The following MYH14 variants were observed in gnomAD, a reference collection of about 807,000 sequenced individuals.
MYH14 encodes the protein myosin heavy chain 14.
MYH14 carries 123 observed loss-of-function variants against 255.5 expected under a neutral mutation model. That is an observed-to-expected ratio of 0.48 (90% CI 0.42 to 0.56). The LOEUF (loss-of-function observed/expected upper bound fraction) is 0.56. Among genes scored for constraint, MYH14 ranks in the 20% least tolerant of loss-of-function variants. The pLI, the probability that MYH14 is intolerant of heterozygous loss-of-function variation, is 0.00. For missense variants in MYH14, 2,423 were observed against 2,802.3 expected, an observed-to-expected ratio of 0.86 and a Z score of 3.06; for synonymous variants, 1,095 against 1,161.2, an observed-to-expected ratio of 0.94 and a Z score of 1.16.
chr19:50,294,416 TTCA>T (rs2036191335), intron 39 of MYH14, among the ~76,000 whole-genome samples: 1 of 148,044 alleles, frequency 6.8e-6, no homozygotes, highest in Non-Finnish European at 1.5e-5. Context: ...GTCTGCATTC[TTCA>T]TTAGTTTTTT....
At chr19:50,272,030 A>C in intron 26 of MYH14, 58 bp downstream of exon 26, 1 of 1,577,548 alleles carries the variant, frequency 6.3e-7, no homozygotes, top group Non-Finnish European at 8.6e-7. Context: ...GACCTCAGGC[A>C]AGCCCCATGT....
chr19:50,253,262 G>GT (rs2034469275), intron 16 of MYH14, among the ~76,000 whole-genome samples: 1 of 152,022 alleles, frequency 6.6e-6, no homozygotes, highest in Non-Finnish European at 1.5e-5. Context: ...GGCCAACATG[G>GT]TGAAACCCTG....
Position 50,230,574 on chromosome 19 carries a change from C to T in MYH14, c.924C>T (p.Ser308=), listed in dbSNP as rs1350643487. The T allele has an allele frequency of 2.5e-6, 4 of 1,571,844 alleles. No homozygotes were observed. Among genetic ancestry groups the T allele is most frequent in the South Asian group, 2.3e-5 (2 of 85,200 alleles). The change falls in exon 9 of 43, where the codon AGC becomes AGT. Residue 308 remains serine (S), a synonymous_variant. Coordinates refer to ENST00000642316, the MANE Select transcript of MYH14 (RefSeq NM_001145809.2). This position sits in a 1 kb window ranked among gnomAD's most constrained non-coding sequence, Gnocchi z 4.7. ...RAIRQAKDEC[S]FHIFYQLLGG... ...TCCGCCAGGCCAAGGACGAGTGCAG[C>T]TTCCACATCTTCTACCAGCTGCTGG...
rs1568531370 is a variant in MYH14 at position 50,278,204 on chromosome 19, A to C, written c.3947A>C (p.Glu1316Ala). The C allele has an allele frequency of 6.2e-7, 1 of 1,609,238 alleles. No individual in the cohort carries two copies. Among genetic ancestry groups the C allele is most frequent in the African/African-American group, 1.3e-5 (1 of 74,924 alleles). The change falls in exon 30 of 43, where the codon GAG becomes GCG. Residue 1316 changes from glutamate (E) to alanine (A), a missense_variant. This residue lies in a region of MYH14 where 1,513 missense variants were observed against 1,674.8 expected (regional missense o/e 0.90). Coordinates refer to ENST00000642316, the MANE Select transcript of MYH14 (RefSeq NM_001145809.2). ...GGTGAGCAGCGGAGGCGCCGCCTGGAGTTACAGCTGCAGGAGGTGCAGGGC... is the reference window on the plus strand; with the variant it reads ...GGTGAGCAGCGGAGGCGCCGCCTGGCGTTACAGCTGCAGGAGGTGCAGGGC... ...QEGEQRRRRLELQLQEVQGRA... is the reference protein window; with the variant it reads ...QEGEQRRRRLALQLQEVQGRA...
chr19:50,215,890 G>GT (rs1253021248), intron 2 of MYH14, among the ~76,000 whole-genome samples: 1 of 152,206 alleles, frequency 6.6e-6, no homozygotes, highest in African/African-American at 2.4e-5. Flanking sequence ...GACTAGCAGA[G>GT]TAGGTTACCC....
chr19:50,224,046 T>TGG, intron 5 of MYH14, 108 bp from the exon 6 acceptor site: 1 of 504,356 alleles, frequency 2.0e-6, no homozygotes, highest in East Asian at 4.3e-5. Context: ...CAGTCCCCCT[T>TGG]CCCCCACCCC....
At chr19:50,273,316 A>G (rs1000551597) in intron 27 of MYH14, among the ~76,000 whole-genome samples, 8 of 144,888 alleles carry the variant, frequency 5.5e-5, no homozygotes, top group African/African-American at 1.5e-4. Context: ...AAAAAAAAAA[A>G]GAGCTATTTC....
chr19:50,276,749 C>T lies in MYH14; in HGVS notation c.3681-8C>T. 1 of 1,613,350 alleles carries T rather than the reference C, an allele frequency of 6.2e-7. No individual in the cohort carries two copies. Among genetic ancestry groups the T allele is most frequent in the Non-Finnish European group, 8.5e-7 (1 of 1,179,876 alleles). ...AATTCCCATCCTCTCTCCTTTCCCC[C>T]AATAAAGGTCCAAGAGGGAACAGGA... On this transcript the variant is annotated splice_region_variant and splice_polypyrimidine_tract_variant and intron_variant, in intron 28 of 42. Coordinates refer to ENST00000642316, the MANE Select transcript of MYH14 (RefSeq NM_001145809.2). The surrounding 1 kb of genome is among the most constrained non-coding windows in gnomAD (Gnocchi z 4.3).
chr19:50,244,835 C>T (rs1210041865), intron 11 of MYH14, among the ~76,000 whole-genome samples: 2 of 152,192 alleles, frequency 1.3e-5, no homozygotes, highest in East Asian at 3.9e-4. Flanking sequence ...CCACTCTTTT[C>T]CTGATTCTAA....
intron 27 of MYH14, among the ~76,000 whole-genome samples, chr19:50,273,904 C>T (rs114060457): frequency 0.037 from 5,647 of 152,076 alleles, 326 homozygotes; most frequent in African/African-American, 0.13. Flanking sequence ...GGATTATAGG[C>T]GTGAGGCACT....
Position 50,276,939 on chromosome 19 carries a change from G to A in MYH14, c.3825+38G>A. ...AGGGGGACAGGGCAGGGGGGCCACG[G>A]GGAGGGCAGGGCAGGACGCGGGGTT... On this transcript the variant is annotated intron_variant, in intron 29 of 42. Transcript: ENST00000642316. This position sits in a 1 kb window ranked among gnomAD's most constrained non-coding sequence, Gnocchi z 4.3. 1 of 1,496,826 alleles carries A rather than the reference G, an allele frequency of 6.7e-7. No individual in the cohort carries two copies. The highest frequency in any genetic ancestry group is 9.1e-7 in the Non-Finnish European group (1 of 1,097,388). The allele number at this position is 1,496,826 out of a possible 1,614,324, so 92.7% of individuals were successfully genotyped here.
intron 11 of MYH14, among the ~76,000 whole-genome samples, chr19:50,246,494 G>C (rs2034131563): frequency 6.6e-6 from 1 of 152,030 alleles, no homozygotes; most frequent in Non-Finnish European, 1.5e-5. Context: ...AATGGGCCAG[G>C]CACCTGTAAT....
At position 50,271,865 on chromosome 19, in the gene MYH14, A is replaced by C; in HGVS notation, c.3188A>C (p.Glu1063Ala). 6.2e-7 allele frequency: 1 copy of C among 1,613,414 alleles called. No individual in the cohort carries two copies. Among genetic ancestry groups the C allele is most frequent in the Non-Finnish European group, 8.5e-7 (1 of 1,179,812 alleles). The change falls in exon 26 of 43, where the codon GAA (glutamate) becomes GCA (alanine). Residue 1063 changes from glutamate (E) to alanine (A), a missense_variant. Physicochemically the swap from Glu to Ala is moderately radical, Grantham distance 107. Around this residue, in one of 3 missense-constraint regions of MYH14, gnomAD observed 1,513 missense variants for 1,674.8 expected, o/e 0.90. Coordinates refer to ENST00000642316, the MANE Select transcript of MYH14 (RefSeq NM_001145809.2). ...SKLSKERKLL[E>A]DRLAEFSSQA... ...ACCCCTCAGGAGCGGAAGCTGCTGG[A>C]AGATCGTCTGGCCGAGTTCTCATCC...
intron 29 of MYH14, among the ~76,000 whole-genome samples, chr19:50,277,303 G>A (rs1187441517): frequency 1.3e-5 from 2 of 152,128 alleles, no homozygotes; most frequent in Non-Finnish European, 2.9e-5. Context: ...CTGCGAGAAG[G>A]TGACATCAGG....
chr19:50,208,288 G>A (rs928334223), intron 1 of MYH14, among the ~76,000 whole-genome samples: 3 of 152,088 alleles, frequency 2.0e-5, no homozygotes, highest in Admixed American at 1.3e-4. Flanking sequence ...AGAGGCATGC[G>A]CCTGTAATCC....
rs977494157 is a variant in MYH14, at chr19:50,223,078, T to C, written c.563-5T>C. 1.9e-6 allele frequency: 3 copies of C among 1,613,360 alleles called. No individual in the cohort carries two copies. The Admixed American group carries it at 5.0e-5, about 27-fold the overall frequency. On this transcript the variant is annotated splice_polypyrimidine_tract_variant and splice_region_variant and intron_variant, in intron 3 of 42. Coordinates refer to ENST00000642316, the MANE Select transcript of MYH14 (RefSeq NM_001145809.2). ...TGACATATTCCCCCACTCTGTCCCC[T>C]ACAGATCGTGAGGACCAGTCCATTC...
rs960005098 is a variant in MYH14 at position 50,310,396 on chromosome 19, A to T, written c.*606A>T. 1 of 154,424 alleles carries T rather than the reference A, an allele frequency of 6.5e-6. No homozygotes were observed. Among genetic ancestry groups the T allele is most frequent in the African/African-American group, 2.4e-5 (1 of 41,288 alleles). The allele number at this position is 154,424 out of a possible 1,614,324, so 9.6% of individuals were successfully genotyped here. ...CCTTGCAAAGGGGCAGGACAAGGGG[A>T]CCCCTCTCACTCCTGCTGCTGCCCA... On this transcript the variant is annotated 3_prime_UTR_variant, in exon 43 of 43. Transcript: ENST00000642316.
At position 50,293,358 on chromosome 19, in the gene MYH14, G is replaced by T; in HGVS notation, c.5345+37G>T. 6.4e-7 allele frequency: 1 copy of T among 1,554,176 alleles called. No individual in the cohort carries two copies. The highest frequency in any genetic ancestry group is 1.4e-5 in the African/African-American group (1 of 73,812). On this transcript the variant is annotated intron_variant, in intron 38 of 42. Transcript: ENST00000642316. This position sits in a 1 kb window ranked among gnomAD's most constrained non-coding sequence, Gnocchi z 4.1. The stretch of plus-strand genomic sequence containing the variant: ...AAGGGTCTGAAGGCTGAGGTACTGC[G>T]TCTGCAGGAGGTGAAGCTGGGGTAG...
At chr19:50,205,358 C>T (rs1244629556) in intron 1 of MYH14, 3 of 153,928 alleles carry the variant, frequency 1.9e-5, no homozygotes, top group East Asian at 1.9e-4. Context: ...CTTCCCCCGG[C>T]CCCCGTCAGA....
Sources: gnomAD v4.1 joint callset for allele counts (sites outside exome capture counted in the v4.1 genomes callset) on GRCh38, gnomAD v4.1.1 for gene constraint, gnomAD v4.1.1 regional missense constraint, Gnocchi (gnomAD v3.1) non-coding constraint, MANE v1.5 for transcripts, NCBI Gene and HGNC (gene_info 2026-07-23, HGNC 2026-07-21) for gene names.